The following DIP2C variants were observed in gnomAD, a reference collection of about 807,000 sequenced individuals.
The protein encoded by DIP2C is DIP2 acetate--CoA ligase C (putative).
DIP2C carries 33 observed loss-of-function variants against 192.4 expected under a neutral mutation model. The observed-to-expected ratio is 0.17, with a 90% CI of 0.13 to 0.23. The LOEUF (loss-of-function observed/expected upper bound fraction) is 0.23, where lower values mean the gene tolerates loss of function less well. DIP2C is among the 10% of genes least tolerant of loss of function. The probability of loss-of-function intolerance (pLI) is 1.00; values close to 1 mark genes in which losing one functional copy is unlikely to be tolerated. For missense variants in DIP2C, 1,537 were observed against 2,110.1 expected (o/e 0.73, Z 5.32); for synonymous variants, 979 against 864.1 (o/e 1.13, Z -2.33).
Position 458,991 on chromosome 10 carries a change from CAA to C in DIP2C, c.268+13446_268+13447del, listed in dbSNP as rs35681631. On this transcript the variant is annotated intron_variant, in intron 3 of 36. Transcript: ENST00000280886. The stretch of plus-strand genomic sequence containing the variant: ...TTTCCAGTTTACCTCTCAACTTTTT[CAA>C]AAAAAAAAAAAAAAAAGCTTTAAAA... Among the ~76,000 whole-genome samples the C allele has an allele frequency of 7.2e-3, 739 of 102,652 alleles. 1 individual carries two copies. The highest frequency in any genetic ancestry group is 0.016 in the African/African-American group (460 of 28,062). 67.3% of individuals were successfully genotyped at this position (102,652 alleles called of 152,430 possible).
intron 2 of DIP2C, among the ~76,000 whole-genome samples, chr10:473,254 G>C (rs773560138): frequency 6.6e-6 from 1 of 152,196 alleles, no homozygotes; most frequent in South Asian, 2.1e-4. Flanking sequence ...AGGGTGGCAA[G>C]GAACACAACT....
In DIP2C at chr10:552,834, G is replaced by C. The variant is rs191584644; in HGVS notation, c.86-66304C>G. On this transcript the variant is annotated intron_variant, in intron 1 of 36. Coordinates refer to ENST00000280886, the MANE Select transcript of DIP2C (RefSeq NM_014974.3). ...ACTGCACTCCAGCCTGGGCGCCAGA[G>C]CAAGACTCCATCTCAAAAAAAAGTG... is the stretch of plus-strand genomic sequence containing the variant. Among the ~76,000 whole-genome samples, 8 of 152,336 alleles carry C rather than the reference G, an allele frequency of 5.3e-5. No individual in the cohort carries two copies. In the East Asian group the frequency reaches 1.5e-3, roughly 29 times the overall value.
intron 1 of DIP2C, among the ~76,000 whole-genome samples, chr10:575,920 C>G (rs994475764): frequency 6.6e-6 from 1 of 152,212 alleles, no homozygotes; most frequent in Non-Finnish European, 1.5e-5. Context: ...GCTGAGCTCG[C>G]ACTTTCAGGA....
chr10:378,319 A>G (rs1961881474), intron 17 of DIP2C, among the ~76,000 whole-genome samples: 1 of 152,280 alleles, frequency 6.6e-6, no homozygotes, highest in African/African-American at 2.4e-5. Flanking sequence ...CTTGGCTGAC[A>G]CACATGAACA....
rs575371087 is a variant in DIP2C at position 465,121 on chromosome 10, T to C, written c.268+7318A>G. The stretch of plus-strand genomic sequence containing the variant: ...TTAGACCAATATCCTTGATGAACAT[T>C]GATGCAAAAATCCTCAATAAAATAC... On this transcript the variant is annotated intron_variant, in intron 3 of 36. Coordinates refer to ENST00000280886, the MANE Select transcript of DIP2C (RefSeq NM_014974.3). 2.5e-5 allele frequency among the ~76,000 whole-genome samples: 3 copies of C among 118,938 alleles called. No individual in the cohort carries two copies. In the Admixed American group the frequency reaches 2.9e-4, roughly 11 times the overall value. 78.0% of individuals were successfully genotyped at this position (118,938 alleles called of 152,430 possible). A position where few individuals can be genotyped will look rare whatever the true frequency, so the allele number is the denominator to read the frequency against.
intron 4 of DIP2C, among the ~76,000 whole-genome samples, chr10:440,267 G>T (rs990054548): frequency 6.6e-6 from 1 of 152,168 alleles, no homozygotes; most frequent in Non-Finnish European, 1.5e-5. Flanking sequence ...CACCAAATCT[G>T]GTCCGCTGTT....
At chr10:301,760 A>G (rs1489626345) in intron 32 of DIP2C, among the ~76,000 whole-genome samples, 1 of 152,196 alleles carries the variant, frequency 6.6e-6, no homozygotes, top group Non-Finnish European at 1.5e-5. Flanking sequence ...CAGGGTGGCC[A>G]CAGTGCTCCA....
intron 31 of DIP2C, among the ~76,000 whole-genome samples, chr10:321,033 G>A (rs1956983517): frequency 6.6e-6 from 1 of 151,454 alleles, no homozygotes; most frequent in Non-Finnish European, 1.5e-5. Context: ...AAGACTGCAT[G>A]AGAAAGTGGC....
intron 1 of DIP2C, among the ~76,000 whole-genome samples, chr10:538,803 C>CA (rs1262505333): frequency 1.3e-5 from 2 of 152,152 alleles, no homozygotes; most frequent in Admixed American, 6.5e-5. Context: ...TAAATTATAT[C>CA]AAAAAAATTG....
At chr10:503,637 G>A (rs558348829) in intron 1 of DIP2C, among the ~76,000 whole-genome samples, 1 of 152,320 alleles carries the variant, frequency 6.6e-6, no homozygotes, top group South Asian at 2.1e-4. Context: ...CTTCCACCCT[G>A]AGAGGGAAGA....
intron 1 of DIP2C, among the ~76,000 whole-genome samples, chr10:619,829 C>A (rs1052693294): frequency 1.3e-5 from 2 of 152,144 alleles, no homozygotes; most frequent in African/African-American, 2.4e-5. Context: ...AATGGCAGCT[C>A]CCGTGTTGGG....
At chr10:361,343 G>A (rs1959474054) in intron 22 of DIP2C, among the ~76,000 whole-genome samples, 2 of 152,146 alleles carry the variant, frequency 1.3e-5, no homozygotes, top group South Asian at 2.1e-4. Context: ...GAGGTTGCTG[G>A]CTCTGTCTCC....
At chr10:649,750 C>T (rs1028036341) in intron 1 of DIP2C, among the ~76,000 whole-genome samples, 10 of 152,150 alleles carry the variant, frequency 6.6e-5, no homozygotes, top group Non-Finnish European at 1.2e-4. Flanking sequence ...TTTAGTTTAA[C>T]CCAAAATCCC....
At chr10:413,425 T>C (rs1266967130) in intron 8 of DIP2C, among the ~76,000 whole-genome samples, 4 of 152,270 alleles carry the variant, frequency 2.6e-5, no homozygotes, top group Non-Finnish European at 2.9e-5. Flanking sequence ...GCTGAAAGCA[T>C]GCATTTCAAT....
At chr10:430,055 T>C (rs544593810) in intron 4 of DIP2C, among the ~76,000 whole-genome samples, 115 of 152,322 alleles carry the variant, frequency 7.5e-4, no homozygotes, top group African/African-American at 2.7e-3. Flanking sequence ...GCTGTGGTGT[T>C]GCTAGCATTC....
chr10:427,051 G>A (rs1373666641), intron 4 of DIP2C, among the ~76,000 whole-genome samples: 1 of 152,202 alleles, frequency 6.6e-6, no homozygotes, highest in Non-Finnish European at 1.5e-5. Flanking sequence ...TCTAGCTAAT[G>A]TAATAAATTA....
intron 29 of DIP2C, among the ~76,000 whole-genome samples, chr10:331,794 G>T (rs1436344988): frequency 1.3e-5 from 2 of 152,204 alleles, no homozygotes; most frequent in Admixed American, 6.5e-5. Context: ...TGAGAACAGG[G>T]TTAGGCACAT....
intron 1 of DIP2C, among the ~76,000 whole-genome samples, chr10:593,000 C>T (rs1490488273): frequency 2.6e-5 from 4 of 152,154 alleles, no homozygotes; most frequent in African/African-American, 9.7e-5. Context: ...GGAAGAAATA[C>T]AGCCATAAAA....
At chr10:466,860 A>G (rs1456723782) in intron 3 of DIP2C, among the ~76,000 whole-genome samples, 21 of 138,022 alleles carry the variant, frequency 1.5e-4, no homozygotes, top group African/African-American at 2.7e-4. Context: ...TTAGAATGGC[A>G]ATCATTAAAA....
Sources: allele counts gnomAD v4.1 joint callset (sites outside exome capture counted in the v4.1 genomes callset), GRCh38; gene constraint gnomAD v4.1.1; transcripts MANE v1.5; gene names NCBI Gene and HGNC (gene_info 2026-07-23, HGNC 2026-07-21).